ZMPSTE24: variants seen among roughly 807,000 people sequenced by gnomAD.
ZMPSTE24 encodes the protein zinc metallopeptidase STE24.
In ZMPSTE24, 48 loss-of-function variants were observed where a neutral mutation model predicts 56.7. The observed-to-expected ratio is 0.85, with a 90% CI of 0.67 to 1.08. The LOEUF (loss-of-function observed/expected upper bound fraction) is 1.08. Among genes scored for constraint, ZMPSTE24 ranks in the 50% least tolerant of loss-of-function variants. The pLI, the probability that ZMPSTE24 is intolerant of heterozygous loss-of-function variation, is 0.00. For missense variants in ZMPSTE24, 503 were observed against 548.7 expected, an observed-to-expected ratio of 0.92 and a Z score of 0.83; for synonymous variants, 172 against 195.2, an observed-to-expected ratio of 0.88 and a Z score of 0.99.
rs762352668 is a variant in ZMPSTE24, at chr1:40,268,445, G to C, written c.384G>C (p.Leu128=). The change falls in exon 4 of 10, where the codon CTG becomes CTC. Residue 128 remains leucine (L), a synonymous_variant. Transcript: ENST00000372759. ...TCACTCAGTCCCTGGTGTTTCTGCT[G>C]TTGGCTACACTTTTCAGTGCATTGA... ...YEITQSLVFL[L]LATLFSALTG... 93 of 1,612,538 alleles carry C rather than the reference G, an allele frequency of 5.8e-5. No individual in the cohort carries two copies. The highest frequency in any genetic ancestry group is 7.5e-5 in the Non-Finnish European group (89 of 1,179,916).
chr1:40,267,153 T>C (rs1460335631), intron 2 of ZMPSTE24, among the ~76,000 whole-genome samples: 2 of 152,014 alleles, frequency 1.3e-5, no homozygotes, highest in East Asian at 1.9e-4. Context: ...AACAGCTTTA[T>C]TGAGATAATT....
intron 8 of ZMPSTE24, among the ~76,000 whole-genome samples, chr1:40,288,555 C>T (rs948424143): frequency 1.3e-4 from 20 of 152,210 alleles, no homozygotes; most frequent in African/African-American, 4.6e-4. Flanking sequence ...AATACATTAA[C>T]TCCATCTTTG....
At position 40,258,326 on chromosome 1, in the gene ZMPSTE24, A is replaced by G. The variant is rs1343427941; in HGVS notation, c.55A>G (p.Ile19Val). 6.2e-7 allele frequency: 1 copy of G among 1,614,148 alleles called. No homozygotes were observed. Among genetic ancestry groups the G allele is most frequent in the East Asian group, 2.2e-5 (1 of 44,882 alleles). The change falls in exon 1 of 10, where the codon ATC (isoleucine) becomes GTC (valine). Residue 19 changes from isoleucine (I) to valine (V), a missense_variant. Ile to Val is a conservative substitution (Grantham distance 29). Transcript: ENST00000372759. ...GTGGGAGATGCCGGCCGAGAAGCGT[A>G]TCTTCGGGGCCGTGCTGCTCTTTTC... ...ALWEMPAEKR[I>V]FGAVLLFSWT...
chr1:40,274,739 A>G (rs1232520867), intron 6 of ZMPSTE24, among the ~76,000 whole-genome samples: 5 of 152,226 alleles, frequency 3.3e-5, no homozygotes, highest in African/African-American at 9.6e-5. Flanking sequence ...ATCCTGGGCT[A>G]CTGTATGGAG....
chr1:40,270,001 A>C lies in ZMPSTE24; in HGVS notation c.501A>C (p.Ala167=), dbSNP rs1416339788. 3 of 1,613,566 alleles carry C rather than the reference A, an allele frequency of 1.9e-6. No individual in the cohort carries two copies. The highest frequency in any genetic ancestry group is 2.5e-6 in the Non-Finnish European group (3 of 1,179,910). The change falls in exon 5 of 10, where the codon GCA becomes GCC. Residue 167 remains alanine, a synonymous_variant. Coordinates refer to ENST00000372759, the MANE Select transcript of ZMPSTE24 (RefSeq NM_005857.5). ...CTTTGGGGTTCTTCATGAAAGATGC[A>C]ATCAAGAAATTTGTTGTGACTCAGT... The part of the protein sequence containing the change: ...QQTLGFFMKD[A]IKKFVVTQCI...
rs1643729023 is a variant in ZMPSTE24 at position 40,281,453 on chromosome 1, A to G, written c.880A>G (p.Ile294Val). ...LEEYSVLNKDIQEDSGMEPRN... is the reference protein window; with the variant it reads ...LEEYSVLNKDVQEDSGMEPRN... ...AGAGTACTCTGTACTAAACAAAGAC[A>G]TCCAGGAGGATTCTGGCATGGAACC... The change falls in exon 7 of 10, where the codon ATC (isoleucine) becomes GTC (valine). Residue 294 changes from isoleucine (I) to valine (V), a missense_variant. Transcript: ENST00000372759. 4 of 1,614,186 alleles carry G rather than the reference A, an allele frequency of 2.5e-6. No homozygotes were observed. Among genetic ancestry groups the G allele is most frequent in the Non-Finnish European group, 3.4e-6 (4 of 1,180,012 alleles).
chr1:40,291,317 A>G (rs1264085771), intron 9 of ZMPSTE24, among the ~76,000 whole-genome samples: 1 of 152,194 alleles, frequency 6.6e-6, no homozygotes, highest in Non-Finnish European at 1.5e-5. Context: ...GTGCTTGGGT[A>G]AAAATCTTAT....
chr1:40,262,525 C>CT (rs77653659), intron 2 of ZMPSTE24: 255 of 123,468 alleles, frequency 2.1e-3, no homozygotes, highest in Middle Eastern at 8.4e-3. Context: ...AGACACTATT[C>CT]TTTTTTTTTT....
chr1:40,273,636 G>A (rs1243144456), intron 6 of ZMPSTE24, among the ~76,000 whole-genome samples: 17 of 139,434 alleles, frequency 1.2e-4, no homozygotes, highest in African/African-American at 4.5e-4. Flanking sequence ...TAGCTTAAAA[G>A]TCTGTGGAGA....
chr1:40,273,538 ATATATATATAT>A (rs1362758994), intron 6 of ZMPSTE24, among the ~76,000 whole-genome samples: 177 of 17,328 alleles, frequency 0.01, 9 homozygotes, highest in African/African-American at 0.026. Flanking sequence ...AAAAAAAAAA[ATATATATATAT>A]ATATATATAT....
chr1:40,285,650 C>G (rs923023035), intron 7 of ZMPSTE24, among the ~76,000 whole-genome samples: 8 of 152,082 alleles, frequency 5.3e-5, no homozygotes, highest in African/African-American at 1.7e-4. Context: ...TCTATTTCTT[C>G]CAGTTTTTTT....
chr1:40,278,031 C>G (rs985874725), intron 6 of ZMPSTE24, among the ~76,000 whole-genome samples: 2 of 148,490 alleles, frequency 1.3e-5, no homozygotes, highest in Non-Finnish European at 3.0e-5. Flanking sequence ...ACCCTGTGTT[C>G]AAAGGGTAAC....
rs539513469 is a variant in ZMPSTE24, at chr1:40,293,468, C to T, written c.*799C>T. On this transcript the variant is annotated 3_prime_UTR_variant, in exon 10 of 10. Coordinates refer to ENST00000372759, the MANE Select transcript of ZMPSTE24 (RefSeq NM_005857.5). Reference sequence around the variant, plus strand: ...ATGCAGTAAATAATACATCCTTTCACTCAGCAGAGATGGCCATATTAAACA... The same window carrying T: ...ATGCAGTAAATAATACATCCTTTCATTCAGCAGAGATGGCCATATTAAACA... 2 of 152,196 alleles carry T rather than the reference C, an allele frequency of 1.3e-5. No homozygotes were observed. The highest frequency in any genetic ancestry group is 4.1e-4 in the South Asian group (2 of 4,820). 9.4% of individuals were successfully genotyped at this position (152,196 alleles called of 1,614,324 possible). A position where few individuals can be genotyped will look rare whatever the true frequency, so the allele number is the denominator to read the frequency against.
chr1:40,260,215 C>G (rs189173121), intron 1 of ZMPSTE24, among the ~76,000 whole-genome samples: 4 of 152,088 alleles, frequency 2.6e-5, no homozygotes, highest in Admixed American at 1.3e-4. Context: ...TGCATACCAC[C>G]ACACTCTGCT....
chr1:40,290,176 G>T (rs1340785850), intron 8 of ZMPSTE24, among the ~76,000 whole-genome samples: 1 of 152,034 alleles, frequency 6.6e-6, no homozygotes, highest in African/African-American at 2.4e-5. Context: ...CTGAGGTCAG[G>T]AGATTGAGAC....
At chr1:40,288,204 T>C (rs563711729) in intron 8 of ZMPSTE24, among the ~76,000 whole-genome samples, 1 of 152,086 alleles carries the variant, frequency 6.6e-6, no homozygotes, top group South Asian at 2.1e-4. Flanking sequence ...GGCCAGCTGG[T>C]TCTGGGTGAT....
intron 8 of ZMPSTE24, 39 bp downstream of exon 8, chr1:40,286,068 A>G (rs1643784608): frequency 6.5e-7 from 1 of 1,549,224 alleles, no homozygotes; most frequent in South Asian, 1.1e-5. Context: ...ATGGCATGAT[A>G]GTCAAATTAG....
intron 4 of ZMPSTE24, among the ~76,000 whole-genome samples, 188 bp from the exon 5 acceptor site, chr1:40,269,786 GA>G (rs1178827520): frequency 1.3e-5 from 2 of 152,126 alleles, no homozygotes; most frequent in Non-Finnish European, 2.9e-5. Context: ...AGGTTTAAAT[GA>G]ATTTTCAGCT....
At chr1:40,282,653 A>G (rs1643742304) in intron 7 of ZMPSTE24, among the ~76,000 whole-genome samples, 1 of 152,154 alleles carries the variant, frequency 6.6e-6, no homozygotes, top group Non-Finnish European at 1.5e-5. Context: ...AGCTTTCTAA[A>G]TCTTTGATTT....
Sources: gnomAD v4.1 joint callset for allele counts (sites outside exome capture counted in the v4.1 genomes callset) on GRCh38, gnomAD v4.1.1 for gene constraint, MANE v1.5 for transcripts, NCBI Gene and HGNC (gene_info 2026-07-23, HGNC 2026-07-21) for gene names.